Variants in PRB3 observed in about 807,000 individuals in gnomAD.
PRB3 encodes the protein basic salivary proline-rich protein 3.
Under a neutral mutation model 10.0 loss-of-function variants are expected in PRB3, and 9 were observed. That is an observed-to-expected ratio of 0.90 (90% confidence interval 0.54 to 1.57). PRB3 has a LOEUF of 1.57. PRB3 is among the 40% of genes most tolerant of loss of function. PRB3 has a pLI of 0.00. For synonymous variants in PRB3, 89 were observed against 138.6 expected, an observed-to-expected ratio of 0.64 and a Z score of 2.52; for missense variants, 285 against 385.5, an observed-to-expected ratio of 0.74 and a Z score of 2.18.
At chr12:11,268,186 G>A in intron 2 of PRB3, 38 bp from the exon 3 acceptor site, 1 of 1,613,706 alleles carries the variant, frequency 6.2e-7, no homozygotes, top group Non-Finnish European at 8.5e-7. Flanking sequence ...CTGAATAGTT[G>A]CCGCAAATTT....
chr12:11,268,591 A>G (rs1185470017), intron 2 of PRB3, 42 bp downstream of exon 2: 3 of 1,568,714 alleles, frequency 1.9e-6, no homozygotes, highest in Admixed American at 1.7e-5. Context: ...TCATAAGCAG[A>G]AGAAGATAGT....
rs1187380510 is a variant in PRB3 at position 11,268,047 on chromosome 12, A to G, written c.202T>C (p.Ser68Pro). 13 of 1,571,628 alleles carry G rather than the reference A, an allele frequency of 8.3e-6. No individual in the cohort carries two copies. The highest frequency in any genetic ancestry group is 7.0e-5 in the East Asian group (3 of 42,680). Residue 68 changes from serine to proline, a missense_variant, in exon 3 of 4, where the codon TCC becomes CCC. Physicochemically the swap from Ser to Pro is moderately conservative, Grantham distance 74 (BLOSUM62 -1). Around this residue, in one of 3 missense-constraint regions of PRB3, gnomAD observed 147 missense variants for 129.4 expected, o/e 1.14. Coordinates refer to ENST00000538488, the MANE Select transcript of PRB3 (RefSeq NM_001394862.1). ...EGRPPQGGNQ[S>P]QGPPPRPGKP... is the part of the protein sequence containing the mutation. ...CCTGGACGAGGTGGGGGACCTTGGG[A>G]CTGGTTGCCTCCTTGTGGGGGTCGT...
Position 11,268,092 on chromosome 12 carries a change from G to A in PRB3, c.157C>T (p.Pro53Ser). ...GGNQPQRTPP[P>S]PGKPEGRPPQ... ...GGTCGTCCTTCTGGCTTTCCTGGAG[G>A]AGGTGGGGTACGTTGGGGCTGGTTT... Residue 53 changes from proline to serine, a missense_variant, in exon 3 of 4, where the codon CCT becomes TCT. Transcript: ENST00000538488. 2 of 1,613,404 alleles carry A rather than the reference G, an allele frequency of 1.2e-6. No individual in the cohort carries two copies. The highest frequency in any genetic ancestry group is 1.7e-6 in the Non-Finnish European group (2 of 1,179,754).
intron 3 of PRB3, 85 bp downstream of exon 3, chr12:11,267,091 G>A (rs1948593809): frequency 7.6e-7 from 1 of 1,323,434 alleles, no homozygotes; most frequent in South Asian, 1.2e-5. Context: ...CAATGTCAAT[G>A]GGTTTTTAGT....
intron 3 of PRB3, 74 bp downstream of exon 3, chr12:11,267,102 T>A: frequency 7.1e-7 from 1 of 1,405,146 alleles, no homozygotes; most frequent in Non-Finnish European, 1.0e-6. Context: ...GGTTTTTAGT[T>A]GATTCATTGG....
intron 3 of PRB3, 83 bp downstream of exon 3, chr12:11,267,093 G>A: frequency 4.4e-6 from 6 of 1,355,678 alleles, no homozygotes; most frequent in Non-Finnish European, 6.4e-6. Context: ...ATGTCAATGG[G>A]TTTTTAGTTG....
At chr12:11,269,144 A>G (rs1049113752) in intron 1 of PRB3, among the ~76,000 whole-genome samples, 6 of 152,132 alleles carry the variant, frequency 3.9e-5, no homozygotes, top group Non-Finnish European at 7.3e-5. Context: ...TGATATTTCT[A>G]TATCTGTAGT....
At chr12:11,268,333 AAGG>A (rs1406279043) in intron 2 of PRB3, among the ~76,000 whole-genome samples, 185 bp from the exon 3 acceptor site, 1 of 152,254 alleles carries the variant, frequency 6.6e-6, no homozygotes, top group Non-Finnish European at 1.5e-5. Context: ...CTCTCAGTCT[AAGG>A]AGGAGTCAGA....
At chr12:11,268,988 ATCTCC>A (rs1268069730) in intron 1 of PRB3, among the ~76,000 whole-genome samples, 1 of 152,182 alleles carries the variant, frequency 6.6e-6, no homozygotes, top group African/African-American at 2.4e-5. Flanking sequence ...TATGCCCTCC[ATCTCC>A]TATAAATACA....
chr12:11,269,466 C>T, intron 1 of PRB3, 140 bp downstream of exon 1: 5 of 958,032 alleles, frequency 5.2e-6, no homozygotes, highest in Non-Finnish European at 8.3e-6. Flanking sequence ...GGAATGAGGG[C>T]ACAACAGGTC....
intron 1 of PRB3, 64 bp downstream of exon 1, chr12:11,269,542 A>T (rs758412656): frequency 1.1e-5 from 18 of 1,581,872 alleles, no homozygotes; most frequent in Non-Finnish European, 1.6e-5. Context: ...CTTCCCCATA[A>T]TTACAACTAT....
chr12:11,266,935 T>C (rs552691373), intron 3 of PRB3, among the ~76,000 whole-genome samples: 2 of 152,322 alleles, frequency 1.3e-5, no homozygotes, highest in East Asian at 1.9e-4. Context: ...TACTTCCTCA[T>C]TGCCAACACA....
At chr12:11,268,697 A>G (rs1339075806) in intron 1 of PRB3, 29 bp from the exon 2 acceptor site, 3 of 1,610,416 alleles carry the variant, frequency 1.9e-6, no homozygotes, top group East Asian at 4.5e-5. Flanking sequence ...ATGATGGGAA[A>G]GGTTACATCT....
At chr12:11,268,768 G>T in intron 1 of PRB3, 100 bp from the exon 2 acceptor site, 1 of 1,358,142 alleles carries the variant, frequency 7.4e-7, no homozygotes. Context: ...CACACCCCAT[G>T]CATCCCCTAG....
rs758626674 is a variant in PRB3, at chr12:11,268,131, G to A, written c.118C>T (p.Arg40Cys). 49 of 1,381,412 alleles carry A rather than the reference G, an allele frequency of 3.5e-5. No individual in the cohort carries two copies. Among genetic ancestry groups the A allele is most frequent in the African/African-American group, 2.8e-4 (16 of 57,424 alleles). The allele number at this position is 1,381,412 out of a possible 1,614,324, so 85.6% of individuals were successfully genotyped here. The change falls in exon 3 of 4, where the codon CGC becomes TGC. Residue 40 changes from arginine to cysteine, a missense_variant. By Grantham distance (180) the Arg-to-Cys change is radical. Around this residue, in one of 3 missense-constraint regions of PRB3, gnomAD observed 147 missense variants for 129.4 expected, o/e 1.14. Coordinates refer to ENST00000538488, the MANE Select transcript of PRB3 (RefSeq NM_001394862.1). ...TGGGGCTGGTTTCCTCCTTGTGGGC[G>A]TCGTCCTTCTGGCTTTCCTGGAGGA... ...SVISGKPEGR[R>C]PQGGNQPQRT...
In PRB3 at chr12:11,267,974, G is replaced by A; in HGVS notation, c.275C>T (p.Pro92Leu). 10 of 1,584,302 alleles carry A rather than the reference G, an allele frequency of 6.3e-6. No homozygotes were observed. The highest frequency in any genetic ancestry group is 8.6e-6 in the Non-Finnish European group (10 of 1,165,338). ...PPQGGNQSQG[P>L]PPRPGKPEGQ... ...TTCTGGCTTTCCCGGACGAGGTGGG[G>A]GACCTTGGGACTGGTTTCCTCCTTG... is the stretch of plus-strand genomic sequence containing the variant. The change falls in exon 3 of 4, where the codon CCC becomes CTC. Residue 92 changes from proline to leucine, a missense_variant. Around this residue, in one of 3 missense-constraint regions of PRB3, gnomAD observed 147 missense variants for 129.4 expected, o/e 1.14. Coordinates refer to ENST00000538488, the MANE Select transcript of PRB3 (RefSeq NM_001394862.1).
chr12:11,268,793 T>A, intron 1 of PRB3, 125 bp from the exon 2 acceptor site: 1 of 1,162,714 alleles, frequency 8.6e-7, no homozygotes, highest in Non-Finnish European at 1.3e-6. Context: ...GCTCATCAGC[T>A]ACCATCTGTG....
intron 2 of PRB3, among the ~76,000 whole-genome samples, 170 bp from the exon 3 acceptor site, chr12:11,268,318 AG>A (rs1181481473): frequency 2.0e-5 from 3 of 152,154 alleles, no homozygotes; most frequent in African/African-American, 7.2e-5. Context: ...GAAGCAGTTG[AG>A]GGGCTCTCAG....
Position 11,268,127 on chromosome 12 carries a change from G to A in PRB3, c.122C>T (p.Pro41Leu), listed in dbSNP as rs755153981. 8 of 1,397,988 alleles carry A rather than the reference G, an allele frequency of 5.7e-6. No homozygotes were observed. In the African/African-American group the frequency reaches 1.2e-4, roughly 20 times the overall value. 86.6% of individuals were successfully genotyped at this position (1,397,988 alleles called of 1,614,324 possible). A position where few individuals can be genotyped will look rare whatever the true frequency, so the allele number is the denominator to read the frequency against. ...VISGKPEGRRPQGGNQPQRTP... is the reference protein window; with the variant it reads ...VISGKPEGRRLQGGNQPQRTP... The stretch of plus-strand genomic sequence containing the variant: ...ACGTTGGGGCTGGTTTCCTCCTTGT[G>A]GGCGTCGTCCTTCTGGCTTTCCTGG... The change falls in exon 3 of 4, where the codon CCA becomes CTA. Residue 41 changes from proline (P) to leucine (L), a missense_variant. Pro to Leu is a moderately conservative substitution (Grantham distance 98). Transcript: ENST00000538488.
Sources: allele counts gnomAD v4.1 joint callset (sites outside exome capture counted in the v4.1 genomes callset), GRCh38; gene constraint gnomAD v4.1.1; regional missense constraint gnomAD v4.1.1; transcripts MANE v1.5; gene names NCBI Gene and HGNC (gene_info 2026-07-23, HGNC 2026-07-21).